CDKAL1: variants seen among roughly 807,000 people sequenced by gnomAD.
The protein encoded by CDKAL1 is threonylcarbamoyladenosine tRNA methylthiotransferase.
Under a neutral mutation model 68.2 loss-of-function variants are expected in CDKAL1, and 32 were observed. That is an observed-to-expected ratio of 0.47 (90% confidence interval 0.35 to 0.63). CDKAL1 has a LOEUF of 0.63. Among genes scored for constraint, CDKAL1 ranks in the 30% least tolerant of loss-of-function variants. The probability of loss-of-function intolerance (pLI) is 0.00; values close to 1 mark genes in which losing one functional copy is unlikely to be tolerated. For synonymous variants in CDKAL1, 234 were observed against 244.3 expected (o/e 0.96, Z 0.39); for missense variants, 606 against 696.7 (o/e 0.87, Z 1.47).
chr6:20,653,637 A>G lies in CDKAL1; in HGVS notation c.371+4260A>G, dbSNP rs540250114. Among the ~76,000 whole-genome samples, 65 of 142,158 alleles carry G rather than the reference A, an allele frequency of 4.6e-4. 1 individual carries two copies. In the South Asian group the frequency reaches 0.01, roughly 23 times the overall value. The allele number at this position is 142,158 out of a possible 152,430, so 93.3% of individuals were successfully genotyped here. On this transcript the variant is annotated intron_variant, in intron 5 of 15. Transcript: ENST00000274695. ...CGGCTAATTTTTTTTTTTTTTTGAGAGGGAGTCTCACTCTGTCACCAGCCT... is the reference window on the plus strand; with the variant it reads ...CGGCTAATTTTTTTTTTTTTTTGAGGGGGAGTCTCACTCTGTCACCAGCCT...
rs768163638 is a variant in CDKAL1 at position 21,230,998 on chromosome 6, C to A, written c.1699C>A (p.Leu567Met). 1.9e-6 allele frequency: 3 copies of A among 1,610,326 alleles called. No homozygotes were observed. The African/African-American group carries it at 4.0e-5, about 22-fold the overall frequency. ...ALRMSVGLAL[L>M]GLLFAFFVKV... is the part of the protein sequence containing the mutation. ...GAGGATGTCCGTGGGCTTGGCTCTG[C>A]TGGGTCTTCTTTTTGCTTTTTTTGT... Residue 567 changes from leucine to methionine, a missense_variant, in exon 16 of 16, where the codon CTG (leucine) becomes ATG (methionine). By Grantham distance (15) the Leu-to-Met change is conservative. Coordinates refer to ENST00000274695, the MANE Select transcript of CDKAL1 (RefSeq NM_017774.3).
At chr6:20,540,077 C>CT (rs71538791) in intron 2 of CDKAL1, among the ~76,000 whole-genome samples, 158 of 131,190 alleles carry the variant, frequency 1.2e-3, no homozygotes, top group East Asian at 4.5e-3. Context: ...TTGGGATTGT[C>CT]TTTTTTTTTT....
At chr6:20,872,302 C>G (rs1760262857) in intron 9 of CDKAL1, among the ~76,000 whole-genome samples, 1 of 152,122 alleles carries the variant, frequency 6.6e-6, no homozygotes, top group South Asian at 2.1e-4. Flanking sequence ...TCCTGATTAT[C>G]TCTTTTAAAG....
chr6:20,543,696 A>G (rs1159282295), intron 2 of CDKAL1, among the ~76,000 whole-genome samples: 1 of 135,602 alleles, frequency 7.4e-6, no homozygotes, highest in Non-Finnish European at 1.6e-5. Context: ...TTCTCCTGTG[A>G]TTTTTTTCTA....
chr6:20,991,470 G>A (rs1488981429), intron 10 of CDKAL1, among the ~76,000 whole-genome samples: 1 of 151,994 alleles, frequency 6.6e-6, no homozygotes, highest in Non-Finnish European at 1.5e-5. Flanking sequence ...CACTTTGGAT[G>A]GCAGACGTGG....
At chr6:21,202,822 T>G (rs980338506) in intron 15 of CDKAL1, among the ~76,000 whole-genome samples, 1 of 152,192 alleles carries the variant, frequency 6.6e-6, no homozygotes, top group Non-Finnish European at 1.5e-5. Flanking sequence ...GGGGCACCCT[T>G]TCTACTCTCC....
At chr6:21,217,183 C>CAT (rs993718812) in intron 15 of CDKAL1, among the ~76,000 whole-genome samples, 2 of 151,676 alleles carry the variant, frequency 1.3e-5, no homozygotes, top group Non-Finnish European at 2.9e-5. Flanking sequence ...TATATACACA[C>CAT]ATATATATAT....
intron 5 of CDKAL1, among the ~76,000 whole-genome samples, chr6:20,705,811 G>A (rs1771567183): frequency 6.6e-6 from 1 of 152,138 alleles, no homozygotes. Context: ...TTTCCTTGGT[G>A]TATATATATC....
At position 20,875,853 on chromosome 6, in the gene CDKAL1, C is replaced by T. The variant is rs191608883; in HGVS notation, c.742+29675C>T. ...TGATTTAGACCCAGTTTTGTCCTGA[C>T]TCTGTGTGTGATTTGTATAATAAGA... On this transcript the variant is annotated intron_variant, in intron 9 of 15. Coordinates refer to ENST00000274695, the MANE Select transcript of CDKAL1 (RefSeq NM_017774.3). Among the ~76,000 whole-genome samples, 255 of 152,164 alleles carry T rather than the reference C, an allele frequency of 1.7e-3. 2 individuals are homozygous for T. The highest frequency in any genetic ancestry group is 5.8e-3 in the African/African-American group (240 of 41,504).
chr6:21,216,639 G>A (rs916366744), intron 15 of CDKAL1, among the ~76,000 whole-genome samples: 3 of 152,108 alleles, frequency 2.0e-5, no homozygotes, highest in East Asian at 1.9e-4. Flanking sequence ...GGAGGTTAGC[G>A]ACTGGGGCCC....
At chr6:20,887,918 T>A (rs1761168518) in intron 9 of CDKAL1, among the ~76,000 whole-genome samples, 1 of 149,978 alleles carries the variant, frequency 6.7e-6, no homozygotes. Context: ...CAAATAGCCG[T>A]GGACCACCAT....
chr6:20,623,070 C>T (rs1197017936), intron 4 of CDKAL1, among the ~76,000 whole-genome samples: 2 of 151,930 alleles, frequency 1.3e-5, no homozygotes, highest in African/African-American at 4.8e-5. Context: ...GAAAAATGTA[C>T]ATTAAAAGTC....
At chr6:21,089,453 G>A (rs905369413) in intron 12 of CDKAL1, among the ~76,000 whole-genome samples, 6 of 152,234 alleles carry the variant, frequency 3.9e-5, no homozygotes, top group African/African-American at 1.4e-4. Flanking sequence ...TTCCAGCCTG[G>A]GTAACAGAGC....
chr6:20,675,067 TG>T (rs1249493688), intron 5 of CDKAL1, among the ~76,000 whole-genome samples: 8 of 152,050 alleles, frequency 5.3e-5, no homozygotes, highest in Admixed American at 2.0e-4. Flanking sequence ...AAATTTCATA[TG>T]GTTTTTTTTT....
At chr6:20,720,823 C>T (rs1400461211) in intron 5 of CDKAL1, among the ~76,000 whole-genome samples, 1 of 152,186 alleles carries the variant, frequency 6.6e-6, no homozygotes, top group Non-Finnish European at 1.5e-5. Context: ...TGTGTGATCA[C>T]ATTTTTTAAC....
rs5874802 is a variant in CDKAL1 at position 21,106,940 on chromosome 6, CT to C, written c.1237-1442del. The stretch of plus-strand genomic sequence containing the variant: ...ATCACAGTGGATGAGGAGAAAGCCA[CT>C]TTTTTTTTTTTTTTTTTTGAGATGG... On this transcript the variant is annotated intron_variant, in intron 12 of 15. Transcript: ENST00000274695. Among the ~76,000 whole-genome samples, 239 of 117,252 alleles carry C rather than the reference CT, an allele frequency of 2.0e-3. 1 individual carries two copies. The highest frequency in any genetic ancestry group is 7.1e-3 in the African/African-American group (215 of 30,246). The allele number at this position is 117,252 out of a possible 152,430, so 76.9% of individuals were successfully genotyped here.
chr6:20,741,407 A>G (rs886926994), intron 6 of CDKAL1, among the ~76,000 whole-genome samples: 2 of 152,026 alleles, frequency 1.3e-5, no homozygotes, highest in Non-Finnish European at 2.9e-5. Flanking sequence ...AGATTATTTT[A>G]TCACCTAGGT....
At chr6:20,856,918 C>T (rs547416987) in intron 9 of CDKAL1, among the ~76,000 whole-genome samples, 14 of 152,328 alleles carry the variant, frequency 9.2e-5, no homozygotes, top group South Asian at 4.1e-4. Context: ...TCCGCAGAGT[C>T]TGCAGTTTTC....
chr6:20,964,874 T>C (rs1765226769), intron 10 of CDKAL1, among the ~76,000 whole-genome samples: 1 of 152,136 alleles, frequency 6.6e-6, no homozygotes, highest in Admixed American at 6.5e-5. Context: ...ACCCAAATTA[T>C]TGAATATTGT....
Sources: gnomAD v4.1 joint callset for allele counts (sites outside exome capture counted in the v4.1 genomes callset) on GRCh38, gnomAD v4.1.1 for gene constraint, MANE v1.5 for transcripts, NCBI Gene and HGNC (gene_info 2026-07-23, HGNC 2026-07-21) for gene names.